The following CDH23 variants were observed in gnomAD, a reference collection of about 807,000 sequenced individuals.
The protein encoded by CDH23 is cadherin related 23, also known as cadherin-23.
CDH23 carries 189 observed loss-of-function variants against 317.1 expected under a neutral mutation model. The ratio of observed to expected loss-of-function variants is 0.60; its 90% CI spans 0.53 to 0.67. The LOEUF (loss-of-function observed/expected upper bound fraction) is 0.67. CDH23 is among the 30% of genes least tolerant of loss of function. CDH23 has a pLI of 0.00. For synonymous variants in CDH23, 1,839 were observed against 1,876.8 expected (o/e 0.98, Z 0.52); for missense variants, 4,401 against 4,592.4 (o/e 0.96, Z 1.20).
At chr10:71,718,892 C>T (rs1430999172) in intron 28 of CDH23, among the ~76,000 whole-genome samples, 2 of 150,284 alleles carry the variant, frequency 1.3e-5, no homozygotes, top group Non-Finnish European at 3.0e-5. Flanking sequence ...CATAGTGAGT[C>T]TTCATTTCTG....
chr10:71,716,479 G>A (rs892013378), intron 28 of CDH23: 4 of 661,442 alleles, frequency 6.0e-6, no homozygotes, highest in Non-Finnish European at 1.0e-5. Context: ...CACATCACAG[G>A]TTAAGACAGC....
intron 1 of CDH23, among the ~76,000 whole-genome samples, chr10:71,401,268 C>T (rs1376170169): frequency 6.6e-6 from 1 of 152,182 alleles, no homozygotes; most frequent in Non-Finnish European, 1.5e-5. Context: ...CCCCTCCAGC[C>T]TGTGCCTCCC....
chr10:71,623,540 C>T (rs562439303), intron 11 of CDH23, among the ~76,000 whole-genome samples: 1 of 152,266 alleles, frequency 6.6e-6, no homozygotes, highest in Admixed American at 6.5e-5. Context: ...GTCTGAGTCG[C>T]CTTTCTCAAG....
At chr10:71,812,635 C>T (rs761965697) in intron 67 of CDH23, 26 bp downstream of exon 67, 1 of 1,613,816 alleles carries the variant, frequency 6.2e-7, no homozygotes, top group Non-Finnish European at 8.5e-7. Context: ...TCAGGCATCA[C>T]AAGGGGCAGG....
At chr10:71,592,748 A>C (rs923794516) in intron 9 of CDH23, among the ~76,000 whole-genome samples, 6 of 152,310 alleles carry the variant, frequency 3.9e-5, no homozygotes, top group South Asian at 2.1e-4. Context: ...CAGAGCTTGC[A>C]GCGTTTCGGA....
chr10:71,726,794 T>C (rs770248854), intron 30 of CDH23, among the ~76,000 whole-genome samples: 16 of 152,238 alleles, frequency 1.1e-4, no homozygotes, highest in Non-Finnish European at 2.4e-4. Flanking sequence ...ACTTCAGGCT[T>C]CCTAACCACA....
rs374747328 is a variant in CDH23, at chr10:71,643,280, TG to T, written c.1135-578del. On this transcript the variant is annotated intron_variant, in intron 11 of 69. Coordinates refer to ENST00000224721, the MANE Select transcript of CDH23 (RefSeq NM_022124.6). ...CAGGAATGGGGTGTGGTGGCTGCCCTGGGAGGTTTGTCAGTACCTGGGCTCA... is the reference window on the plus strand; with the variant it reads ...CAGGAATGGGGTGTGGTGGCTGCCCTGGAGGTTTGTCAGTACCTGGGCTCA... Among the ~76,000 whole-genome samples, 112 of 152,262 alleles carry T rather than the reference TG, an allele frequency of 7.4e-4. 2 individuals are homozygous for T. The highest frequency in any genetic ancestry group is 2.6e-3 in the African/African-American group (107 of 41,542).
chr10:71,658,285 C>A (rs1036084739), intron 14 of CDH23, among the ~76,000 whole-genome samples: 4 of 151,708 alleles, frequency 2.6e-5, no homozygotes, highest in African/African-American at 7.3e-5. Flanking sequence ...GAGGAGAGAG[C>A]GAGAGATGGA....
At chr10:71,431,429 T>C (rs1297677011) in intron 1 of CDH23, among the ~76,000 whole-genome samples, 3 of 152,200 alleles carry the variant, frequency 2.0e-5, no homozygotes, top group Admixed American at 1.3e-4. Context: ...TCCCCGGCAG[T>C]GGCCTGGATA....
At chr10:71,530,606 C>T (rs961299659) in intron 6 of CDH23, among the ~76,000 whole-genome samples, 4 of 152,190 alleles carry the variant, frequency 2.6e-5, no homozygotes, top group African/African-American at 9.7e-5. Flanking sequence ...TCACATATTT[C>T]TCCCTCTTTC....
intron 15 of CDH23, among the ~76,000 whole-genome samples, chr10:71,677,014 C>T (rs1288779672): frequency 6.6e-6 from 1 of 152,208 alleles, no homozygotes; most frequent in Non-Finnish European, 1.5e-5. Context: ...AGGCTCATTT[C>T]CTCAAAGTCA....
chr10:71,645,636 G>A (rs1215974984), intron 12 of CDH23, 195 bp from the exon 13 acceptor site: 1 of 762,812 alleles, frequency 1.3e-6, no homozygotes, highest in Non-Finnish European at 2.4e-6. Context: ...GAGGTTTCCA[G>A]AGGGCCTAGA....
rs148672398 is a variant in CDH23, at chr10:71,680,382, G to A, written c.1858+890G>A. The stretch of plus-strand genomic sequence containing the variant: ...GGCAGAAGGAATCGATGTGCGTTGA[G>A]TGACTCTGGGTCCAGTGGTCATTCC... On this transcript the variant is annotated intron_variant, in intron 17 of 69. Coordinates refer to ENST00000224721, the MANE Select transcript of CDH23 (RefSeq NM_022124.6). 6.8e-3 allele frequency among the ~76,000 whole-genome samples: 1,036 copies of A among 152,330 alleles called. 6 individuals are homozygous for A. Among genetic ancestry groups the A allele is most frequent in the Admixed American group, 9.4e-3 (144 of 15,302 alleles).
chr10:71,540,472 G>A (rs570562041), intron 6 of CDH23, among the ~76,000 whole-genome samples: 2 of 152,120 alleles, frequency 1.3e-5, no homozygotes, highest in Non-Finnish European at 2.9e-5. Flanking sequence ...TGATAGAATC[G>A]TGGGGTCTGT....
intron 1 of CDH23, among the ~76,000 whole-genome samples, chr10:71,435,220 A>G (rs1465265411): frequency 6.6e-6 from 1 of 152,250 alleles, no homozygotes; most frequent in African/African-American, 2.4e-5. Context: ...TGTAGAATGC[A>G]TTGTGTATCA....
At chr10:71,683,397 T>A (rs1319006849) in intron 18 of CDH23, among the ~76,000 whole-genome samples, 1 of 152,224 alleles carries the variant, frequency 6.6e-6, no homozygotes, top group Non-Finnish European at 1.5e-5. Context: ...GGAGCAGACA[T>A]GCTGGAGAGC....
intron 30 of CDH23, among the ~76,000 whole-genome samples, chr10:71,726,300 A>G (rs967781032): frequency 6.6e-6 from 1 of 152,112 alleles, no homozygotes; most frequent in Non-Finnish European, 1.5e-5. Flanking sequence ...CAGAGCAAGC[A>G]GGGACTTTCA....
rs1283155195 is a variant in CDH23, at chr10:71,437,032, T to G, written c.-5-2795T>G. ...GAACATTTAGAGAAAGGCATCTTGC[T>G]CAACCCCGCTAGTAGTTAGGGAAAT... is the stretch of plus-strand genomic sequence containing the variant. On this transcript the variant is annotated intron_variant, in intron 1 of 69. Coordinates refer to ENST00000224721, the MANE Select transcript of CDH23 (RefSeq NM_022124.6). 5.3e-5 allele frequency among the ~76,000 whole-genome samples: 8 copies of G among 152,248 alleles called. No individual in the cohort carries two copies. In the South Asian group the frequency reaches 8.3e-4, roughly 16 times the overall value.
intron 35 of CDH23, 100 bp from the exon 36 acceptor site, chr10:71,739,544 G>A: frequency 7.0e-7 from 1 of 1,427,166 alleles, no homozygotes; most frequent in South Asian, 1.4e-5. Context: ...CTCAACAGAG[G>A]GCCCACGTGG....
Sources: allele counts gnomAD v4.1 joint callset (sites outside exome capture counted in the v4.1 genomes callset), GRCh38; gene constraint gnomAD v4.1.1; transcripts MANE v1.5; gene names NCBI Gene and HGNC (gene_info 2026-07-23, HGNC 2026-07-21).